NDRG3: variants seen among roughly 807,000 people sequenced by gnomAD.
The protein encoded by NDRG3 is protein NDRG3.
NDRG3 carries 23 observed loss-of-function variants against 57.2 expected under a neutral mutation model. That is an observed-to-expected ratio of 0.40 (90% CI 0.29 to 0.57). The LOEUF (loss-of-function observed/expected upper bound fraction) is 0.57, where lower values mean the gene tolerates loss of function less well. NDRG3 is among the 20% of genes least tolerant of loss of function. NDRG3 has a pLI of 0.42. For missense variants in NDRG3, 384 were observed against 457.3 expected (o/e 0.84, Z 1.46); for synonymous variants, 132 against 162.6 (o/e 0.81, Z 1.43).
intron 13 of NDRG3, 83 bp from the exon 14 acceptor site, chr20:36,656,615 A>G (rs1175577073): frequency 4.1e-6 from 6 of 1,460,662 alleles, no homozygotes; most frequent in Non-Finnish European, 5.7e-6. Context: ...TTCAAACAGA[A>G]CAAGATTGAA....
At chr20:36,714,265 C>T (rs186624958) in intron 2 of NDRG3, among the ~76,000 whole-genome samples, 33 of 151,456 alleles carry the variant, frequency 2.2e-4, no homozygotes, top group South Asian at 2.1e-3. Flanking sequence ...ATTAGCAGGG[C>T]GTGGTGGTGG....
intron 8 of NDRG3, among the ~76,000 whole-genome samples, chr20:36,677,357 G>A (rs969157211): frequency 1.3e-5 from 2 of 152,336 alleles, no homozygotes; most frequent in East Asian, 1.9e-4. Flanking sequence ...TGAAGGCTAC[G>A]GGCTGGATTG....
rs36022065 is a variant in NDRG3, at chr20:36,723,659, A to AGTGTGTGTGTGT, written c.-48-1888_-48-1877dup. Among the ~76,000 whole-genome samples the AGTGTGTGTGTGT allele has an allele frequency of 5.3e-3, 709 of 132,922 alleles. 7 individuals carry two copies. Among genetic ancestry groups the AGTGTGTGTGTGT allele is most frequent in the Non-Finnish European group, 6.8e-3 (430 of 62,924 alleles). 87.2% of individuals were successfully genotyped at this position (132,922 alleles called of 152,430 possible). ...GAAAGCCTTCAAAAGATATTAGTCT[A>AGTGTGTGTGTGT]GTGTGTGTGTGTGTGTGTGTGTGTG... On this transcript the variant is annotated intron_variant, in intron 1 of 15. Transcript: ENST00000349004.
chr20:36,683,432 C>T (rs1161270719), intron 6 of NDRG3, among the ~76,000 whole-genome samples: 1 of 150,122 alleles, frequency 6.7e-6, no homozygotes, highest in African/African-American at 2.4e-5. Context: ...TGGCCAACAT[C>T]ATGAAACCCC....
intron 1 of NDRG3, among the ~76,000 whole-genome samples, chr20:36,744,060 G>T (rs1986063049): frequency 6.6e-6 from 1 of 151,232 alleles, no homozygotes. Flanking sequence ...ACCACCACAC[G>T]CGGCTAATTT....
chr20:36,683,713 C>CACAT (rs1352531192), intron 6 of NDRG3, among the ~76,000 whole-genome samples: 1 of 150,860 alleles, frequency 6.6e-6, no homozygotes, highest in Non-Finnish European at 1.5e-5. Context: ...CACACACACA[C>CACAT]ATATAAAAAT....
intron 1 of NDRG3, among the ~76,000 whole-genome samples, chr20:36,723,211 C>T (rs1984702111): frequency 6.6e-6 from 1 of 152,136 alleles, no homozygotes; most frequent in Non-Finnish European, 1.5e-5. Flanking sequence ...TGATCTATAG[C>T]AATAGAGAAC....
intron 1 of NDRG3, among the ~76,000 whole-genome samples, chr20:36,743,505 A>G (rs893739496): frequency 6.9e-6 from 1 of 145,056 alleles, no homozygotes; most frequent in African/African-American, 2.6e-5. Context: ...AAAAAATAAT[A>G]ATAATAATAA....
chr20:36,736,216 G>A (rs1985604009), intron 1 of NDRG3, among the ~76,000 whole-genome samples: 1 of 152,160 alleles, frequency 6.6e-6, no homozygotes, highest in Non-Finnish European at 1.5e-5. Context: ...TTAAACCTGG[G>A]AAGCAGTGAA....
At chr20:36,743,970 G>A (rs767130505) in intron 1 of NDRG3, among the ~76,000 whole-genome samples, 5 of 125,360 alleles carry the variant, frequency 4.0e-5, no homozygotes, top group Non-Finnish European at 6.4e-5. Context: ...GCGCGATCTC[G>A]GCTCACTGCA....
intron 3 of NDRG3, among the ~76,000 whole-genome samples, chr20:36,705,895 C>T (rs1983524971): frequency 6.6e-6 from 1 of 152,122 alleles, no homozygotes; most frequent in Non-Finnish European, 1.5e-5. Context: ...CAGGCACGCA[C>T]CATCACGTCC....
chr20:36,665,047 A>G lies in NDRG3; in HGVS notation c.809T>C (p.Val270Ala). 6.2e-7 allele frequency: 1 copy of G among 1,614,044 alleles called. No individual in the cohort carries two copies. The highest frequency in any genetic ancestry group is 8.5e-7 in the Non-Finnish European group (1 of 1,179,924). ...TTCACAGCATGAGGACATACTTACCACAGCCTCAACTGCAGGCGAATTGTC... is the reference window on the plus strand; with the variant it reads ...TTCACAGCATGAGGACATACTTACCGCAGCCTCAACTGCAGGCGAATTGTC... ...VGDNSPAVEA[V>A]VECNSRLNPI... The change falls in exon 12 of 16, where the codon GTG becomes GCG. Residue 270 changes from valine (V) to alanine (A), a missense_variant and splice_region_variant. By Grantham distance (64) the Val-to-Ala change is moderately conservative (BLOSUM62 0). Coordinates refer to ENST00000349004, the MANE Select transcript of NDRG3 (RefSeq NM_032013.4).
intron 7 of NDRG3, 103 bp downstream of exon 7, chr20:36,682,415 T>A: frequency 1.1e-6 from 1 of 895,208 alleles, no homozygotes; most frequent in Non-Finnish European, 1.8e-6. Context: ...ACAGAAAAAC[T>A]GACATAAGGC....
intron 8 of NDRG3, among the ~76,000 whole-genome samples, chr20:36,671,796 C>T (rs1199795158): frequency 1.1e-4 from 15 of 140,990 alleles, no homozygotes; most frequent in South Asian, 2.2e-4. Context: ...AGTGAGACTC[C>T]GTCTCAAAAA....
intron 15 of NDRG3, among the ~76,000 whole-genome samples, chr20:36,656,126 C>G (rs1423293213): frequency 8.1e-6 from 1 of 124,100 alleles, no homozygotes; most frequent in Non-Finnish European, 1.6e-5. Flanking sequence ...GAGTGAGACT[C>G]TGTCTCAAAA....
In NDRG3 at chr20:36,653,274, G is replaced by A; in HGVS notation, c.*246C>T. On this transcript the variant is annotated 3_prime_UTR_variant, in exon 16 of 16. Coordinates refer to ENST00000349004, the MANE Select transcript of NDRG3 (RefSeq NM_032013.4). The surrounding 1 kb of genome is among the most constrained non-coding windows in gnomAD (Gnocchi z 4.2). ...GCACGGGAAAAAGCTGGCAAGAGAG[G>A]ATATGGAGAGATCTGATCAGCTAAA... is the stretch of plus-strand genomic sequence containing the variant. The A allele has an allele frequency of 2.4e-6, 1 of 421,936 alleles. No homozygotes were observed. The highest frequency in any genetic ancestry group is 4.3e-6 in the Non-Finnish European group (1 of 234,530). The allele number at this position is 421,936 out of a possible 1,614,324, so 26.1% of individuals were successfully genotyped here.
chr20:36,712,125 G>T (rs1381701677), intron 2 of NDRG3, among the ~76,000 whole-genome samples: 1 of 151,490 alleles, frequency 6.6e-6, no homozygotes, highest in African/African-American at 2.4e-5. Context: ...TTTTTTGAGA[G>T]CGATCCCAGA....
At chr20:36,737,706 A>T (rs1985678339) in intron 1 of NDRG3, among the ~76,000 whole-genome samples, 1 of 152,150 alleles carries the variant, frequency 6.6e-6, no homozygotes, top group South Asian at 2.1e-4. Flanking sequence ...TCCCCACTTG[A>T]TGCCATCTGA....
chr20:36,723,218 G>T (rs963463642), intron 1 of NDRG3, among the ~76,000 whole-genome samples: 5 of 152,206 alleles, frequency 3.3e-5, no homozygotes, highest in Non-Finnish European at 7.3e-5. Flanking sequence ...TAGCAATAGA[G>T]AACTAATACA....
Sources: allele counts gnomAD v4.1 joint callset (sites outside exome capture counted in the v4.1 genomes callset), GRCh38; gene constraint gnomAD v4.1.1; non-coding constraint Gnocchi (gnomAD v3.1); transcripts MANE v1.5; gene names NCBI Gene and HGNC (gene_info 2026-07-23, HGNC 2026-07-21).